Variants in CPNE8 observed in about 807,000 individuals in gnomAD.
CPNE8 encodes the protein copine 8.
CPNE8 carries 45 observed loss-of-function variants against 81.5 expected under a neutral mutation model. That is an observed-to-expected ratio of 0.55 (90% CI 0.44 to 0.71). The LOEUF is 0.71. CPNE8 is among the 30% of genes least tolerant of loss of function. The pLI is 0.00. For synonymous variants in CPNE8, 252 were observed against 226.3 expected, an observed-to-expected ratio of 1.11 and a Z score of -1.02; for missense variants, 594 against 672.1, an observed-to-expected ratio of 0.88 and a Z score of 1.28.
At chr12:38,853,093 C>T (rs1420157000) in intron 3 of CPNE8, among the ~76,000 whole-genome samples, 1 of 152,064 alleles carries the variant, frequency 6.6e-6, no homozygotes, top group Non-Finnish European at 1.5e-5. Context: ...ACTAGTTCAG[C>T]TTATGGGAAA....
At chr12:38,836,662 A>G (rs2137035754) in intron 5 of CPNE8, among the ~76,000 whole-genome samples, 1 of 152,310 alleles carries the variant, frequency 6.6e-6, no homozygotes, top group Admixed American at 6.5e-5. Context: ...TTTTTCCTAC[A>G]AGGTTCCAGT....
intron 7 of CPNE8, among the ~76,000 whole-genome samples, chr12:38,773,336 TAATA>T (rs940888957): frequency 3.3e-5 from 5 of 152,076 alleles, no homozygotes; most frequent in East Asian, 3.9e-4. Flanking sequence ...AAAATATTAA[TAATA>T]AATAAGCAGG....
In CPNE8 at chr12:38,905,497, T is replaced by G. The variant is rs950383846; in HGVS notation, c.38A>C (p.Asp13Ala). 7.6e-6 allele frequency: 12 copies of G among 1,575,020 alleles called. No homozygotes were observed. The South Asian group carries it at 1.3e-4, about 17-fold the overall frequency. Residue 13 changes from aspartate to alanine, a missense_variant, in exon 1 of 20, where the codon GAC becomes GCC. Transcript: ENST00000331366. ...SRYNSTAGIGDLNQLSAAIPA... is the reference protein window; with the variant it reads ...SRYNSTAGIGALNQLSAAIPA... ...GATGGCAGCGCTCAGCTGGTTCAAGTCCCCGATGCCCGCAGTGCTGTTGTA... is the reference window on the plus strand; with the variant it reads ...GATGGCAGCGCTCAGCTGGTTCAAGGCCCCGATGCCCGCAGTGCTGTTGTA...
chr12:38,674,416 A>T (rs998981415), intron 18 of CPNE8, among the ~76,000 whole-genome samples: 2 of 152,192 alleles, frequency 1.3e-5, no homozygotes, highest in African/African-American at 4.8e-5. Flanking sequence ...ATAGTAGCCA[A>T]AGAAGAAAGC....
intron 4 of CPNE8, among the ~76,000 whole-genome samples, chr12:38,843,823 C>G (rs1943511344): frequency 6.6e-6 from 1 of 152,050 alleles, no homozygotes; most frequent in African/African-American, 2.4e-5. Context: ...TTTTTGCATT[C>G]CCACCTCCCT....
At chr12:38,833,479 C>CTTTTTT (rs543470951) in intron 5 of CPNE8, among the ~76,000 whole-genome samples, 1 of 130,716 alleles carries the variant, frequency 7.7e-6, no homozygotes. Flanking sequence ...TGAAATTAAC[C>CTTTTTT]TTTTTTTTTT....
chr12:38,784,619 A>C (rs939048232), intron 6 of CPNE8, among the ~76,000 whole-genome samples: 1 of 152,148 alleles, frequency 6.6e-6, no homozygotes, highest in Non-Finnish European at 1.5e-5. Context: ...AGAATCCCAA[A>C]AGCAGCAAGA....
chr12:38,803,568 A>G (rs1487493148), intron 6 of CPNE8, among the ~76,000 whole-genome samples: 2 of 135,928 alleles, frequency 1.5e-5, no homozygotes, highest in African/African-American at 5.2e-5. Flanking sequence ...ATGGGCAAAA[A>G]CTGGAAGCAT....
chr12:38,752,437 C>T (rs1941370123), intron 10 of CPNE8, among the ~76,000 whole-genome samples: 1 of 152,198 alleles, frequency 6.6e-6, no homozygotes, highest in Non-Finnish European at 1.5e-5. Context: ...CTTCCCAGAA[C>T]CTTCCCCTGG....
chr12:38,819,296 G>C (rs1302317726), intron 6 of CPNE8, among the ~76,000 whole-genome samples: 1 of 152,018 alleles, frequency 6.6e-6, no homozygotes, highest in East Asian at 1.9e-4. Flanking sequence ...AATCCATCTT[G>C]AGTTAATTTT....
chr12:38,816,769 A>G (rs1302535465), intron 6 of CPNE8, among the ~76,000 whole-genome samples: 2 of 152,190 alleles, frequency 1.3e-5, no homozygotes, highest in African/African-American at 2.4e-5. Context: ...ACTGCTGTCC[A>G]TGTTTAGAAT....
intron 6 of CPNE8, among the ~76,000 whole-genome samples, chr12:38,826,312 A>G (rs1021088868): frequency 3.3e-5 from 5 of 152,248 alleles, no homozygotes; most frequent in South Asian, 2.1e-4. Flanking sequence ...TAAGAAAGAT[A>G]GAACCTGAGG....
At chr12:38,782,277 G>T (rs992313295) in intron 6 of CPNE8, among the ~76,000 whole-genome samples, 5 of 152,086 alleles carry the variant, frequency 3.3e-5, no homozygotes, top group African/African-American at 1.2e-4. Context: ...ACGATTTCAC[G>T]TTAAAAGAGA....
chr12:38,905,363 C>T, intron 1 of CPNE8, 74 bp downstream of exon 1: 1 of 1,495,400 alleles, frequency 6.7e-7, no homozygotes, highest in Non-Finnish European at 9.0e-7. Context: ...CCTCGTGGTA[C>T]CCCGAGCGCT....
chr12:38,680,214 G>A (rs1440378283), intron 16 of CPNE8, among the ~76,000 whole-genome samples: 1 of 151,950 alleles, frequency 6.6e-6, no homozygotes, highest in East Asian at 1.9e-4. Flanking sequence ...GCTCAGATTC[G>A]TGGAATATTC....
At chr12:38,855,872 C>T (rs1943724009) in intron 3 of CPNE8, among the ~76,000 whole-genome samples, 1 of 151,734 alleles carries the variant, frequency 6.6e-6, no homozygotes, top group South Asian at 2.1e-4. Flanking sequence ...AAAGTTAAAA[C>T]AAAACCTCTA....
intron 7 of CPNE8, among the ~76,000 whole-genome samples, chr12:38,770,159 C>A (rs1022050706): frequency 2.0e-5 from 3 of 152,180 alleles, no homozygotes; most frequent in Admixed American, 6.5e-5. Context: ...CATAAAGCCA[C>A]TTGGATGTTT....
chr12:38,746,273 TC>T (rs1463549778), intron 10 of CPNE8, among the ~76,000 whole-genome samples: 1 of 152,012 alleles, frequency 6.6e-6, no homozygotes, highest in Non-Finnish European at 1.5e-5. Context: ...AATATGCTAA[TC>T]AATGAAGTAT....
intron 5 of CPNE8, among the ~76,000 whole-genome samples, chr12:38,837,061 TA>T (rs1293578166): frequency 2.0e-5 from 3 of 152,066 alleles, no homozygotes; most frequent in African/African-American, 7.2e-5. Context: ...AAGGATAGCT[TA>T]AAATGTAAAA....
Sources: allele counts gnomAD v4.1 joint callset (sites outside exome capture counted in the v4.1 genomes callset), GRCh38; gene constraint gnomAD v4.1.1; transcripts MANE v1.5; gene names NCBI Gene and HGNC (gene_info 2026-07-23, HGNC 2026-07-21).